The following ATP11C variants were observed in gnomAD, a reference collection of about 807,000 sequenced individuals.
ATP11C encodes the protein ATPase phospholipid transporting 11C (ATP11C blood group), also known as phospholipid-transporting ATPase IG.
A neutral mutation model predicts 97.4 loss-of-function variants in ATP11C; 36 were observed. The ratio of observed to expected loss-of-function variants is 0.37; its 90% CI spans 0.28 to 0.49. The LOEUF (loss-of-function observed/expected upper bound fraction) is 0.49. Ranked by LOEUF, ATP11C falls within the 20% of genes least tolerant of loss-of-function variation. The pLI is 0.98. For missense variants in ATP11C, 730 were observed against 824.6 expected (o/e 0.89, Z 1.40); for synonymous variants, 275 against 290.9 (o/e 0.95, Z 0.56).
chrX:139,826,089 C>G (rs767222503), intron 2 of ATP11C, among the ~76,000 whole-genome samples: 66 of 111,808 alleles, frequency 5.9e-4, no homozygotes, highest in African/African-American at 2.1e-3. Context: ...GTTCAAACTT[C>G]CAGGCCAATG....
chrX:139,816,662 T>C (rs1013048283), intron 4 of ATP11C, among the ~76,000 whole-genome samples: 1 of 112,217 alleles, frequency 8.9e-6, no homozygotes, highest in Admixed American at 9.5e-5. Flanking sequence ...TACACCCACA[T>C]ACACAGATAT....
At chrX:139,821,325 T>C (rs2083404661) in intron 2 of ATP11C, among the ~76,000 whole-genome samples, 1 of 112,056 alleles carries the variant, frequency 8.9e-6, no homozygotes, top group African/African-American at 3.2e-5. Context: ...CCAAGGTAGC[T>C]TGTGACCAAA....
chrX:139,929,502 T>G (rs189406545), intron 1 of ATP11C, among the ~76,000 whole-genome samples: 64 of 111,935 alleles, frequency 5.7e-4, no homozygotes, highest in Admixed American at 5.1e-3. Flanking sequence ...GTAAGAATCC[T>G]AAGGGATTCT....
chrX:139,847,292 A>G lies in ATP11C; in HGVS notation c.28-20469T>C, dbSNP rs746044571. Among the ~76,000 whole-genome samples the G allele has an allele frequency of 1.7e-3, 194 of 111,111 alleles. 2 individuals are homozygous for G. The highest frequency in any genetic ancestry group is 2.2e-3 in the Non-Finnish European group (115 of 53,011). On this transcript the variant is annotated intron_variant, in intron 1 of 29. Transcript: ENST00000682941. ...AAGCTACTCGGGAGATTGAGGCAGGAGGATCAGTTGACCCTGGGAGGCAGA... is the reference window on the plus strand; with the variant it reads ...AAGCTACTCGGGAGATTGAGGCAGGGGGATCAGTTGACCCTGGGAGGCAGA...
intron 1 of ATP11C, among the ~76,000 whole-genome samples, chrX:139,876,376 C>G (rs1385425564): frequency 8.9e-6 from 1 of 112,296 alleles, no homozygotes; most frequent in Non-Finnish European, 1.9e-5. Flanking sequence ...AGTACCCTTT[C>G]CAAACAAGGC....
chrX:139,801,753 T>C (rs1316362586), intron 7 of ATP11C, among the ~76,000 whole-genome samples: 5 of 111,417 alleles, frequency 4.5e-5, no homozygotes, highest in African/African-American at 1.3e-4. Context: ...AATTACACCA[T>C]TGTACTCATC....
chrX:139,796,061 C>A (rs1487399956), intron 12 of ATP11C, among the ~76,000 whole-genome samples: 2 of 111,949 alleles, frequency 1.8e-5, no homozygotes, highest in South Asian at 7.4e-4. Context: ...AAATTTAATA[C>A]ATAAATTGTA....
At chrX:139,866,343 C>CAAAAAAAAAAAAAA (rs57250412) in intron 1 of ATP11C, among the ~76,000 whole-genome samples, 33 of 27,542 alleles carry the variant, frequency 1.2e-3, no homozygotes, top group Admixed American at 6.5e-3. Flanking sequence ...GACTCTGTCT[C>CAAAAAAAAAAAAAA]AAAAAAAAAA....
At chrX:139,877,601 G>A (rs2084494802) in intron 1 of ATP11C, among the ~76,000 whole-genome samples, 1 of 111,977 alleles carries the variant, frequency 8.9e-6, no homozygotes, top group African/African-American at 3.2e-5. Context: ...TTAAAGAATT[G>A]ACTTGCGTCC....
chrX:139,778,367 T>G (rs2082389572), intron 18 of ATP11C, among the ~76,000 whole-genome samples: 1 of 111,697 alleles, frequency 9.0e-6, no homozygotes, highest in African/African-American at 3.3e-5. Context: ...CATATGTTAG[T>G]AGAAAGTTAA....
intron 18 of ATP11C, among the ~76,000 whole-genome samples, chrX:139,775,834 G>T (rs1373047312): frequency 2.7e-5 from 3 of 112,791 alleles, no homozygotes; most frequent in Admixed American, 1.9e-4. Context: ...GAACCACTGT[G>T]TTTGTGCTGC....
intron 23 of ATP11C, among the ~76,000 whole-genome samples, chrX:139,757,225 G>T: frequency 9.1e-6 from 1 of 110,045 alleles, no homozygotes; most frequent in South Asian, 3.8e-4. Flanking sequence ...CCTGTATTTC[G>T]CTGTATTTCG....
intron 2 of ATP11C, among the ~76,000 whole-genome samples, 190 bp downstream of exon 2, chrX:139,826,514 A>G (rs1340576258): frequency 9.0e-6 from 1 of 111,321 alleles, no homozygotes; most frequent in African/African-American, 3.3e-5. Flanking sequence ...TCTTTCACCT[A>G]TAACAAGACA....
intron 1 of ATP11C, among the ~76,000 whole-genome samples, chrX:139,849,664 G>C (rs2497273): frequency 0.27 from 30,414 of 111,457 alleles, 6,491 homozygotes; most frequent in African/African-American, 0.71. Context: ...CTTGCCAAAT[G>C]CAATGAATAG....
At chrX:139,889,206 G>C (rs190188033) in intron 1 of ATP11C, among the ~76,000 whole-genome samples, 3 of 112,046 alleles carry the variant, frequency 2.7e-5, no homozygotes, top group Non-Finnish European at 5.6e-5. Context: ...ACAAATTATA[G>C]TGTTATCTCT....
chrX:139,781,473 G>A (rs2082456596), intron 18 of ATP11C, among the ~76,000 whole-genome samples: 1 of 112,348 alleles, frequency 8.9e-6, no homozygotes, highest in South Asian at 3.6e-4. Flanking sequence ...CAACACTTTC[G>A]GAGGTCAAGA....
At chrX:139,769,816 C>T (rs1224525521) in intron 19 of ATP11C, among the ~76,000 whole-genome samples, 1 of 110,900 alleles carries the variant, frequency 9.0e-6, no homozygotes, top group Non-Finnish European at 1.9e-5. Context: ...TCTTAAACTG[C>T]AAATTCGGAT....
chrX:139,847,561 G>C (rs2083928696), intron 1 of ATP11C, among the ~76,000 whole-genome samples: 1 of 110,296 alleles, frequency 9.1e-6, no homozygotes, highest in African/African-American at 3.3e-5. Context: ...AAATTAGCTG[G>C]ATGTGGTGGC....
At chrX:139,741,152 G>A (rs1171038134) in intron 26 of ATP11C, 58 bp from the exon 27 acceptor site, 10 of 721,332 alleles carry the variant, frequency 1.4e-5, no homozygotes, top group South Asian at 4.7e-5. Context: ...CAGGCAATAC[G>A]CTATAGTATC....
Sources: allele counts gnomAD v4.1 joint callset (sites outside exome capture counted in the v4.1 genomes callset), GRCh38; gene constraint gnomAD v4.1.1; transcripts MANE v1.5; gene names NCBI Gene and HGNC (gene_info 2026-07-23, HGNC 2026-07-21).